Variants in CHST9 observed in about 807,000 individuals in gnomAD.
CHST9 encodes the protein carbohydrate sulfotransferase 9, also known as GalNAc-4-sulfotransferase 2.
A neutral mutation model predicts 44.4 loss-of-function variants in CHST9; 41 were observed. The ratio of observed to expected loss-of-function variants is 0.92; its 90% CI spans 0.72 to 1.20. The LOEUF (loss-of-function observed/expected upper bound fraction) is 1.20, where lower values mean the gene tolerates loss of function less well. Ranked by LOEUF, CHST9 falls within the 50% of genes most tolerant of loss-of-function variation. The pLI is 0.00. For missense variants in CHST9, 504 were observed against 516.5 expected (o/e 0.98, Z 0.23); for synonymous variants, 171 against 178.4 (o/e 0.96, Z 0.33).
chr18:27,121,259 C>T (rs1158987960), intron 2 of CHST9, among the ~76,000 whole-genome samples: 1 of 152,124 alleles, frequency 6.6e-6, no homozygotes, highest in East Asian at 1.9e-4. Flanking sequence ...CTTGCCTCAT[C>T]CTTCAAAAGT....
intron 4 of CHST9, among the ~76,000 whole-genome samples, chr18:27,014,388 A>C (rs1380991833): frequency 1.5e-5 from 2 of 134,074 alleles, no homozygotes; most frequent in Non-Finnish European, 3.1e-5. Context: ...CGGGAGGCGG[A>C]GCTTGCAGTG....
chr18:26,983,120 T>TA (rs1273653639), intron 4 of CHST9, among the ~76,000 whole-genome samples: 1 of 152,152 alleles, frequency 6.6e-6, no homozygotes, highest in East Asian at 1.9e-4. Flanking sequence ...TCACTGGTGG[T>TA]ATAACCAAGC....
intron 2 of CHST9, among the ~76,000 whole-genome samples, chr18:27,106,702 C>A (rs951386978): frequency 6.6e-6 from 1 of 152,144 alleles, no homozygotes; most frequent in Non-Finnish European, 1.5e-5. Context: ...TTGTATAACA[C>A]ATCCTTTTAC....
At chr18:27,099,518 A>G (rs2058150119) in intron 2 of CHST9, among the ~76,000 whole-genome samples, 1 of 152,150 alleles carries the variant, frequency 6.6e-6, no homozygotes, top group Non-Finnish European at 1.5e-5. Flanking sequence ...AAAACAAACA[A>G]AAAACAAATA....
chr18:27,105,502 T>C (rs897018037), intron 2 of CHST9, among the ~76,000 whole-genome samples: 6 of 152,108 alleles, frequency 3.9e-5, no homozygotes, highest in African/African-American at 1.4e-4. Flanking sequence ...GAAAGTTTTG[T>C]AGGTTTGGTG....
intron 2 of CHST9, among the ~76,000 whole-genome samples, chr18:27,078,577 A>G (rs1183366688): frequency 6.6e-6 from 1 of 152,180 alleles, no homozygotes; most frequent in Non-Finnish European, 1.5e-5. Context: ...CACAAGAAAA[A>G]ACAAGGTTCA....
intron 2 of CHST9, among the ~76,000 whole-genome samples, chr18:27,077,879 C>T (rs1178695492): frequency 6.6e-6 from 1 of 152,024 alleles, no homozygotes; most frequent in African/African-American, 2.4e-5. Context: ...GCTGTACAGG[C>T]TTCTGTTTTT....
intron 2 of CHST9, among the ~76,000 whole-genome samples, chr18:27,073,251 G>A (rs8088093): frequency 0.3 from 45,659 of 151,952 alleles, 6,985 homozygotes; most frequent in South Asian, 0.42. Context: ...GCATTGCTAT[G>A]ACTGCTTAAC....
chr18:26,998,251 G>C (rs2056908482), intron 4 of CHST9, among the ~76,000 whole-genome samples: 1 of 152,088 alleles, frequency 6.6e-6, no homozygotes, highest in South Asian at 2.1e-4. Context: ...TCACTCACTG[G>C]TTTGCACTCC....
intron 2 of CHST9, among the ~76,000 whole-genome samples, chr18:27,090,745 C>G (rs865816585): frequency 6.6e-6 from 1 of 152,132 alleles, no homozygotes; most frequent in African/African-American, 2.4e-5. Flanking sequence ...TGTCAAAGAT[C>G]AGATGGTTGT....
intron 4 of CHST9, among the ~76,000 whole-genome samples, chr18:27,007,143 C>A: frequency 6.6e-6 from 1 of 152,154 alleles, no homozygotes; most frequent in Non-Finnish European, 1.5e-5. Context: ...GAATAGTTGA[C>A]AATGCTACCT....
chr18:27,039,799 T>C (rs1303988632), intron 3 of CHST9, among the ~76,000 whole-genome samples: 1 of 152,172 alleles, frequency 6.6e-6, no homozygotes, highest in Non-Finnish European at 1.5e-5. Flanking sequence ...TTAAATTTAA[T>C]GTACTTCATA....
Position 27,084,460 on chromosome 18 carries a change from T to TG in CHST9, c.122-35958_122-35957insC, listed in dbSNP as rs1201238067. 2.7e-5 allele frequency among the ~76,000 whole-genome samples: 4 copies of TG among 147,104 alleles called. No homozygotes were observed. In the Admixed American group the frequency reaches 3.2e-4, roughly 12 times the overall value. Reference sequence around the variant, plus strand: ...GTGGTGTTCATAACACTCGCTGGGTTTTTTTTTTTTTATTTCTGTGGGGTT... The same window carrying TG: ...GTGGTGTTCATAACACTCGCTGGGTTGTTTTTTTTTTTATTTCTGTGGGGTT... On this transcript the variant is annotated intron_variant, in intron 2 of 5. Transcript: ENST00000618847.
intron 4 of CHST9, among the ~76,000 whole-genome samples, chr18:27,013,463 A>G (rs2057109206): frequency 6.6e-6 from 1 of 152,240 alleles, no homozygotes; most frequent in South Asian, 2.1e-4. Flanking sequence ...AACAAACAAG[A>G]AAGCCAAAGC....
At chr18:27,076,776 T>A (rs2057908836) in intron 2 of CHST9, among the ~76,000 whole-genome samples, 1 of 152,168 alleles carries the variant, frequency 6.6e-6, no homozygotes, top group Non-Finnish European at 1.5e-5. Flanking sequence ...ATCAGGCCAA[T>A]AAAGTGTTTG....
intron 2 of CHST9, among the ~76,000 whole-genome samples, chr18:27,100,786 A>G (rs1434068963): frequency 6.6e-6 from 1 of 152,234 alleles, no homozygotes; most frequent in Non-Finnish European, 1.5e-5. Context: ...TAGTGGCCTC[A>G]AATATGTTTG....
intron 2 of CHST9, among the ~76,000 whole-genome samples, chr18:27,094,104 C>A (rs2058094519): frequency 6.6e-6 from 1 of 152,084 alleles, no homozygotes; most frequent in Admixed American, 6.5e-5. Context: ...TTTTTTCCTA[C>A]TTTTATTTGT....
intron 2 of CHST9, among the ~76,000 whole-genome samples, chr18:27,053,130 G>GGAAGAAGAAGAAGAAGAAGAAGGA (rs2057589951): frequency 1.4e-5 from 1 of 71,236 alleles, no homozygotes; most frequent in African/African-American, 5.6e-5. Flanking sequence ...AGGAAGAAGA[G>GGAAGAAGAAGAAGAAGAAGAAGGA]GAAGAAGAAG....
At chr18:27,096,800 C>T (rs763365195) in intron 2 of CHST9, among the ~76,000 whole-genome samples, 39 of 151,606 alleles carry the variant, frequency 2.6e-4, no homozygotes, top group Admixed American at 2.6e-4. Flanking sequence ...ATTCTACCAA[C>T]GAAAAAAAAG....
Sources: gnomAD v4.1 joint callset for allele counts (sites outside exome capture counted in the v4.1 genomes callset) on GRCh38, gnomAD v4.1.1 for gene constraint, MANE v1.5 for transcripts, NCBI Gene and HGNC (gene_info 2026-07-23, HGNC 2026-07-21) for gene names.